ACACB: variants seen among roughly 807,000 people sequenced by gnomAD.
ACACB encodes the protein acetyl-CoA carboxylase 2.
Under a neutral mutation model 278.8 loss-of-function variants are expected in ACACB, and 209 were observed. The ratio of observed to expected loss-of-function variants is 0.75; its 90% CI spans 0.67 to 0.84. The LOEUF is 0.84. Ranked by LOEUF, ACACB falls within the 40% of genes least tolerant of loss-of-function variation. The pLI, the probability that ACACB is intolerant of heterozygous loss-of-function variation, is 0.00. For missense variants in ACACB, 2,850 were observed against 3,269.0 expected (o/e 0.87, Z 3.13); for synonymous variants, 1,174 against 1,285.6 (o/e 0.91, Z 1.86).
intron 4 of ACACB, among the ~76,000 whole-genome samples, chr12:109,171,353 CT>C (rs147391558): frequency 1.4e-3 from 197 of 144,442 alleles, no homozygotes; most frequent in East Asian, 2.0e-3. Flanking sequence ...CATTTTCTTT[CT>C]TTTTTTTTTT....
At chr12:109,140,146 C>T in intron 2 of ACACB, 88 bp downstream of exon 2, 6 of 1,391,740 alleles carry the variant, frequency 4.3e-6, no homozygotes, top group Non-Finnish European at 5.7e-6. Flanking sequence ...CTTGATCAAG[C>T]TGTTTGCTGA....
At chr12:109,140,348 T>A (rs138149057) in intron 2 of ACACB, among the ~76,000 whole-genome samples, 25 of 141,808 alleles carry the variant, frequency 1.8e-4, no homozygotes, top group Admixed American at 1.1e-3. Flanking sequence ...CCTTCCTTCC[T>A]TCCCTCCTTT....
chr12:109,247,761 C>CTT, intron 40 of ACACB, 58 bp downstream of exon 40: 1 of 1,380,730 alleles, frequency 7.2e-7, no homozygotes, highest in Non-Finnish European at 1.0e-6. Flanking sequence ...CAGCTGTCTT[C>CTT]TTTCCTCGGG....
chr12:109,204,336 G>A (rs573182664), intron 19 of ACACB, among the ~76,000 whole-genome samples: 47 of 141,854 alleles, frequency 3.3e-4, no homozygotes, highest in African/African-American at 1.1e-3. Flanking sequence ...GTGCAGTGGC[G>A]TGATCTCAGC....
Position 109,241,273 on chromosome 12 carries a change from T to G in ACACB, c.5014T>G (p.Ser1672Ala). Residue 1672 changes from serine to alanine, a missense_variant, in exon 36 of 53, where the codon TCT (serine) becomes GCT (alanine). By Grantham distance (99) the Ser-to-Ala change is moderately conservative (BLOSUM62 1). Transcript: ENST00000338432. The part of the protein sequence containing the change: ...SLYKEVTDSR[S>A]GNIMFHSFGN... Reference sequence around the variant, plus strand: ...CTACAAAGAAGTGACTGACTCCAGATCTGGAAATGTAAGGCTGGCCCGCGC... The same window carrying G: ...CTACAAAGAAGTGACTGACTCCAGAGCTGGAAATGTAAGGCTGGCCCGCGC... The G allele has an allele frequency of 2.5e-6, 4 of 1,614,098 alleles. No homozygotes were observed. The highest frequency in any genetic ancestry group is 3.4e-6 in the Non-Finnish European group (4 of 1,179,968).
intron 28 of ACACB, among the ~76,000 whole-genome samples, chr12:109,230,027 G>C (rs1280724902): frequency 1.3e-5 from 2 of 152,186 alleles, no homozygotes; most frequent in Non-Finnish European, 2.9e-5. Flanking sequence ...TCTTATGGGG[G>C]TGCCCAAGGC....
rs138898549 is a variant in ACACB at position 109,197,076 on chromosome 12, C to T, written c.2550C>T (p.His850=). The T allele has an allele frequency of 5.2e-4, 827 of 1,595,650 alleles. No individual in the cohort carries two copies. The highest frequency in any genetic ancestry group is 6.8e-4 in the Non-Finnish European group (802 of 1,172,938). ...GCTGCCACATCGAGATTGATGCCCACCGGCTGAATGATGGGGGGCTCCTGC... is the reference window on the plus strand; with the variant it reads ...GCTGCCACATCGAGATTGATGCCCATCGGCTGAATGATGGGGGGCTCCTGC... ...MNGCHIEIDA[H]RLNDGGLLLS... is the part of the protein sequence containing the mutation. Residue 850 remains histidine, a synonymous_variant, in exon 17 of 53, where the codon CAC becomes CAT. Transcript: ENST00000338432.
At chr12:109,265,313 A>G in intron 51 of ACACB, 33 bp downstream of exon 51, 12 of 1,611,510 alleles carry the variant, frequency 7.4e-6, no homozygotes, top group Non-Finnish European at 9.3e-6. Flanking sequence ...GCCGGTGAGC[A>G]CAGGGGGTGC....
chr12:109,239,726 A>G (rs1277184311), intron 34 of ACACB, 104 bp from the exon 35 acceptor site: 2 of 1,307,920 alleles, frequency 1.5e-6, no homozygotes, highest in African/African-American at 3.0e-5. Flanking sequence ...GGAGGAGGGG[A>G]ATGTTTTCCT....
chr12:109,138,088 C>T (rs1211480724), intron 1 of ACACB, among the ~76,000 whole-genome samples: 2 of 151,888 alleles, frequency 1.3e-5, no homozygotes, highest in East Asian at 3.9e-4. Flanking sequence ...ATTTTTAGTA[C>T]AGACAGGGCT....
intron 28 of ACACB, among the ~76,000 whole-genome samples, chr12:109,228,018 A>C (rs1386003558): frequency 6.7e-6 from 1 of 148,812 alleles, no homozygotes; most frequent in African/African-American, 2.5e-5. Context: ...TGGGCGAAGA[A>C]GCGAGACTCC....
In ACACB at chr12:109,237,105, C is replaced by T. The variant is rs921480634; in HGVS notation, c.4447-60C>T. ...GTAGGGTGTGGACCAAGCAGGGACG[C>T]AGCTCCAACGTCACGCTGTGTGTGT... is the stretch of plus-strand genomic sequence containing the variant. On this transcript the variant is annotated intron_variant, in intron 33 of 52. Transcript: ENST00000338432. 57 of 1,567,154 alleles carry T rather than the reference C, an allele frequency of 3.6e-5. No individual in the cohort carries two copies. The African/African-American group carries it at 7.0e-4, about 19-fold the overall frequency.
chr12:109,258,423 C>T (rs1316111922), intron 46 of ACACB, 59 bp downstream of exon 46: 2 of 1,444,674 alleles, frequency 1.4e-6, no homozygotes, highest in East Asian at 2.3e-5. Flanking sequence ...GAGAGTGGGT[C>T]CTGGGCGTGG....
chr12:109,191,644 A>G lies in ACACB; in HGVS notation c.2176A>G (p.Ile726Val). The part of the protein sequence containing the change: ...NMVVALKELS[I>V]RGDFRTTVEY... ...GGTGGTGGCTTTGAAGGAACTGTCC[A>G]TCCGAGGCGACTTTAGGACTACCGT... is the stretch of plus-strand genomic sequence containing the variant. Residue 726 changes from isoleucine (I) to valine (V), a missense_variant, in exon 14 of 53, where the codon ATC becomes GTC. Ile to Val is a conservative substitution (Grantham distance 29, BLOSUM62 3). Transcript: ENST00000338432. 1 of 1,614,176 alleles carries G rather than the reference A, an allele frequency of 6.2e-7. No homozygotes were observed. Among genetic ancestry groups the G allele is most frequent in the Non-Finnish European group, 8.5e-7 (1 of 1,180,028 alleles).
At chr12:109,244,059 G>C (rs1028489664) in intron 37 of ACACB, among the ~76,000 whole-genome samples, 2 of 152,200 alleles carry the variant, frequency 1.3e-5, no homozygotes. Flanking sequence ...GCAGCCTACA[G>C]AATGGGAGAA....
intron 1 of ACACB, among the ~76,000 whole-genome samples, chr12:109,119,571 C>T (rs1040329067): frequency 6.3e-5 from 9 of 143,650 alleles, no homozygotes; most frequent in African/African-American, 2.4e-4. Flanking sequence ...GCCTGGGCAA[C>T]AGAGCAAGAC....
In ACACB at chr12:109,252,039, T is replaced by C. The variant is rs946590112; in HGVS notation, c.5791-7T>C. ...TCCAGAATTCAGAGGGGGTCCTCTCTCCACAGGTGACCTGCCGAGCCATTG... is the reference window on the plus strand; with the variant it reads ...TCCAGAATTCAGAGGGGGTCCTCTCCCCACAGGTGACCTGCCGAGCCATTG... On this transcript the variant is annotated splice_polypyrimidine_tract_variant and splice_region_variant and intron_variant, in intron 41 of 52. Coordinates refer to ENST00000338432, the MANE Select transcript of ACACB (RefSeq NM_001093.4). 6.7e-5 allele frequency: 107 copies of C among 1,606,966 alleles called. No individual in the cohort carries two copies. The highest frequency in any genetic ancestry group is 8.9e-5 in the Non-Finnish European group (105 of 1,176,716).
intron 1 of ACACB, chr12:109,125,660 A>G (rs1335978405): frequency 6.6e-6 from 1 of 152,222 alleles, no homozygotes; most frequent in African/African-American, 2.4e-5. Context: ...TCTTTCATCA[A>G]TGACTTGATC....
chr12:109,245,670 CA>C lies in ACACB; in HGVS notation c.5224del (p.Ile1742SerfsTer2). 6.2e-7 allele frequency: 1 copy of C among 1,614,184 alleles called. No individual in the cohort carries two copies. The highest frequency in any genetic ancestry group is 8.5e-7 in the Non-Finnish European group (1 of 1,180,004). ...GCTCCCCAGACAAGTATCCCAAAGACATCCTGACATACACTGAATTAGTGTT... is the reference window on the plus strand; with the variant it reads ...GCTCCCCAGACAAGTATCCCAAAGACTCCTGACATACACTGAATTAGTGTT... ...WGSPDKYPKD[I>X]LTYTELVLDS... is the part of the protein sequence containing the mutation. On this transcript the variant is annotated frameshift_variant, in exon 38 of 53. Coordinates refer to ENST00000338432, the MANE Select transcript of ACACB (RefSeq NM_001093.4). LOFTEE classifies it high-confidence loss of function.
Sources: gnomAD v4.1 joint callset for allele counts (sites outside exome capture counted in the v4.1 genomes callset) on GRCh38, gnomAD v4.1.1 for gene constraint, MANE v1.5 for transcripts, NCBI Gene and HGNC (gene_info 2026-07-23, HGNC 2026-07-21) for gene names.